Variants in JARID2 observed in about 807,000 individuals in gnomAD.
JARID2 encodes the protein jumonji and AT-rich interaction domain containing 2, also known as protein Jumonji.
JARID2 carries 21 observed loss-of-function variants against 125.6 expected under a neutral mutation model. The ratio of observed to expected loss-of-function variants is 0.17; its 90% confidence interval spans 0.12 to 0.24. The LOEUF (loss-of-function observed/expected upper bound fraction) is 0.24. Ranked by LOEUF, JARID2 falls within the 10% of genes least tolerant of loss-of-function variation. The probability of loss-of-function intolerance (pLI) is 1.00; values close to 1 mark genes in which losing one functional copy is unlikely to be tolerated. For missense variants in JARID2, 1,303 were observed against 1,639.6 expected (o/e 0.79, Z 3.55); for synonymous variants, 736 against 661.6 (o/e 1.11, Z -1.73).
chr6:15,426,663 G>T (rs2127594392), intron 3 of JARID2, among the ~76,000 whole-genome samples: 1 of 152,328 alleles, frequency 6.6e-6, no homozygotes, highest in East Asian at 1.9e-4. Context: ...GGGAGTGGAA[G>T]AGCTCCAAGA....
intron 1 of JARID2, among the ~76,000 whole-genome samples, chr6:15,260,940 T>C (rs960610211): frequency 6.6e-6 from 1 of 152,236 alleles, no homozygotes; most frequent in African/African-American, 2.4e-5. Flanking sequence ...AGCCTTTTTT[T>C]CCCTTGCCTT....
chr6:15,330,852 C>T (rs1234275397), intron 1 of JARID2, among the ~76,000 whole-genome samples: 1 of 152,152 alleles, frequency 6.6e-6, no homozygotes, highest in African/African-American at 2.4e-5. Context: ...TCTTCACTTT[C>T]CTGTCTTGGG....
intron 1 of JARID2, among the ~76,000 whole-genome samples, chr6:15,328,298 C>T (rs550494099): frequency 6.6e-6 from 1 of 152,278 alleles, no homozygotes; most frequent in African/African-American, 2.4e-5. Flanking sequence ...CATAGTAAAG[C>T]TGCTATTTAC....
intron 1 of JARID2, among the ~76,000 whole-genome samples, chr6:15,271,590 G>A (rs1449868211): frequency 1.3e-5 from 2 of 152,100 alleles, no homozygotes; most frequent in African/African-American, 4.8e-5. Context: ...CATGAGGCTT[G>A]CTTGAGCCCA....
At chr6:15,432,469 AC>A (rs561804860) in intron 3 of JARID2, among the ~76,000 whole-genome samples, 37 of 126,954 alleles carry the variant, frequency 2.9e-4, no homozygotes, top group Non-Finnish European at 6.3e-4. Flanking sequence ...AACAACAACA[AC>A]AACAACAACA....
At chr6:15,360,378 T>G (rs1351218770) in intron 1 of JARID2, among the ~76,000 whole-genome samples, 1 of 151,842 alleles carries the variant, frequency 6.6e-6, no homozygotes, top group Non-Finnish European at 1.5e-5. Flanking sequence ...AGAGACGGAG[T>G]TTCACCGTGT....
intron 1 of JARID2, among the ~76,000 whole-genome samples, chr6:15,365,732 C>T (rs760374663): frequency 2.0e-5 from 3 of 151,818 alleles, no homozygotes; most frequent in Non-Finnish European, 4.4e-5. Context: ...TTTACCCTAA[C>T]CTGGGAAGCA....
At chr6:15,261,311 C>CTTCT (rs1318911354) in intron 1 of JARID2, among the ~76,000 whole-genome samples, 32 of 125,814 alleles carry the variant, frequency 2.5e-4, no homozygotes, top group African/African-American at 9.7e-4. Context: ...TCTTCTTCTT[C>CTTCT]TTTTTTTTTT....
chr6:15,513,733 C>T (rs1389791387), intron 16 of JARID2, among the ~76,000 whole-genome samples: 1 of 152,250 alleles, frequency 6.6e-6, no homozygotes, highest in African/African-American at 2.4e-5. Flanking sequence ...ACTCCAGCCC[C>T]CACGCACTCT....
At chr6:15,517,016 C>T (rs1771593547) in intron 16 of JARID2, 145 bp from the exon 17 acceptor site, 2 of 629,002 alleles carry the variant, frequency 3.2e-6, no homozygotes, top group Non-Finnish European at 5.7e-6. Context: ...TCCTCAAAGC[C>T]CTTGGCCCGG....
At chr6:15,456,594 T>G (rs1409540115) in intron 4 of JARID2, among the ~76,000 whole-genome samples, 1 of 152,130 alleles carries the variant, frequency 6.6e-6, no homozygotes, top group African/African-American at 2.4e-5. Flanking sequence ...AATACCATTT[T>G]TTTTTCCCGG....
At position 15,320,850 on chromosome 6, in the gene JARID2, CTCTG is replaced by C. The variant is rs1430613636; in HGVS notation, c.46-53265_46-53262del. On this transcript the variant is annotated intron_variant, in intron 1 of 17. Transcript: ENST00000341776. ...AGAATATGATTCATTCTCTCTCTCT[CTCTG>C]TGTGTGTGTGTGTGTGTGTGTGTGT... is the stretch of plus-strand genomic sequence containing the variant. Among the ~76,000 whole-genome samples the C allele has an allele frequency of 2.0e-4, 27 of 135,016 alleles. 1 individual carries two copies. Among genetic ancestry groups the C allele is most frequent in the Admixed American group, 7.3e-4 (10 of 13,662 alleles). The allele number at this position is 135,016 out of a possible 152,430, so 88.6% of individuals were successfully genotyped here. A position where few individuals can be genotyped will look rare whatever the true frequency, so the allele number is the denominator to read the frequency against.
rs765195461 is a variant in JARID2, at chr6:15,496,592, C to A, written c.1367C>A (p.Pro456His). Reference protein sequence around the residue: ...EAHQAEKPQSPPKKMKGAAGP... With the variant: ...EAHQAEKPQSHPKKMKGAAGP... ...CACCAGGCGGAGAAGCCGCAGTCGC[C>A]CCCCAAGAAGATGAAAGGGGCGGCT... Residue 456 changes from proline (P) to histidine (H), a missense_variant, in exon 7 of 18, where the codon CCC (proline) becomes CAC (histidine). Pro to His is a moderately conservative substitution (Grantham distance 77). Coordinates refer to ENST00000341776, the MANE Select transcript of JARID2 (RefSeq NM_004973.4). The A allele has an allele frequency of 6.2e-7, 1 of 1,602,648 alleles. No homozygotes were observed. The highest frequency in any genetic ancestry group is 8.5e-7 in the Non-Finnish European group (1 of 1,176,116).
intron 14 of JARID2, 117 bp from the exon 15 acceptor site, chr6:15,512,798 A>T: frequency 9.6e-7 from 1 of 1,042,110 alleles, no homozygotes. Flanking sequence ...TTTTTAATCT[A>T]AATGCAATTC....
At chr6:15,490,046 A>G (rs2127722409) in intron 6 of JARID2, among the ~76,000 whole-genome samples, 1 of 152,280 alleles carries the variant, frequency 6.6e-6, no homozygotes, top group South Asian at 2.1e-4. Flanking sequence ...AACTCCTTAT[A>G]CCAGGGACAT....
chr6:15,465,814 G>GTTTTT (rs1177497133), intron 4 of JARID2, among the ~76,000 whole-genome samples: 1 of 144,732 alleles, frequency 6.9e-6, no homozygotes, highest in African/African-American at 2.5e-5. Flanking sequence ...TTGTTTGTTT[G>GTTTTT]TTTTTTTGAG....
rs553973712 is a variant in JARID2 at position 15,344,458 on chromosome 6, T to A, written c.46-29659T>A. On this transcript the variant is annotated intron_variant, in intron 1 of 17. Coordinates refer to ENST00000341776, the MANE Select transcript of JARID2 (RefSeq NM_004973.4). ...TCCTACTAAAGTCTGAGCTCTCTGG[T>A]TTAAAAAAAAACCAACGCAGCTGTA... Among the ~76,000 whole-genome samples, 16 of 152,106 alleles carry A rather than the reference T, an allele frequency of 1.1e-4. 1 individual carries two copies. The highest frequency in any genetic ancestry group is 3.4e-4 in the African/African-American group (14 of 41,462).
chr6:15,289,612 T>A (rs1025828030), intron 1 of JARID2, among the ~76,000 whole-genome samples: 1 of 151,924 alleles, frequency 6.6e-6, no homozygotes, highest in African/African-American at 2.4e-5. Flanking sequence ...ATCCCAGCAC[T>A]TTGGGAGGAT....
intron 4 of JARID2, among the ~76,000 whole-genome samples, chr6:15,467,319 A>G (rs1213650063): frequency 6.6e-6 from 1 of 152,206 alleles, no homozygotes; most frequent in Non-Finnish European, 1.5e-5. Flanking sequence ...TTGGTGATCT[A>G]TCTCTTCGGT....
Sources: gnomAD v4.1 joint callset for allele counts (sites outside exome capture counted in the v4.1 genomes callset) on GRCh38, gnomAD v4.1.1 for gene constraint, MANE v1.5 for transcripts, NCBI Gene and HGNC (gene_info 2026-07-23, HGNC 2026-07-21) for gene names.